The following FLT3LG variants were observed in gnomAD, a reference collection of about 807,000 sequenced individuals.
FLT3LG encodes fms-related tyrosine kinase 3 ligand.
A neutral mutation model predicts 30.9 loss-of-function variants in FLT3LG; 8 were observed. That is an observed-to-expected ratio of 0.26 (90% CI 0.15 to 0.47). The LOEUF (loss-of-function observed/expected upper bound fraction) is 0.47, where lower values mean the gene tolerates loss of function less well. Among genes scored for constraint, FLT3LG ranks in the 20% least tolerant of loss-of-function variants. The pLI, the probability that FLT3LG is intolerant of heterozygous loss-of-function variation, is 0.99. For missense variants in FLT3LG, 278 were observed against 306.2 expected, an observed-to-expected ratio of 0.91 and a Z score of 0.69; for synonymous variants, 123 against 135.9, an observed-to-expected ratio of 0.91 and a Z score of 0.66.
At position 49,484,202 on chromosome 19, in the gene FLT3LG, A is replaced by T. The variant is rs559690723; in HGVS notation, c.*22-1813A>T. On this transcript the variant is annotated intron_variant, in intron 8 of 8. Coordinates refer to ENST00000597551, the MANE Select transcript of FLT3LG (RefSeq NM_001459.4). ...CCAGCCTATCTTTTTTTTTTTTTTT[A>T]AGAAAAGGTAATACATTGAGCAGTT... Among the ~76,000 whole-genome samples, 662 of 149,384 alleles carry T rather than the reference A, an allele frequency of 4.4e-3. 2 individuals are homozygous for T. The highest frequency in any genetic ancestry group is 0.016 in the African/African-American group (638 of 40,714).
intron 6 of FLT3LG, 49 bp downstream of exon 6, chr19:49,479,096 C>A: frequency 6.4e-7 from 1 of 1,556,350 alleles, no homozygotes; most frequent in Non-Finnish European, 8.7e-7. Context: ...TCCTCACGGC[C>A]GCTCCTCCTC....
Position 49,476,699 on chromosome 19 carries a change from C to A in FLT3LG, c.342+133C>A. 1 of 1,135,044 alleles carries A rather than the reference C, an allele frequency of 8.8e-7. No individual in the cohort carries two copies. The highest frequency in any genetic ancestry group is 1.3e-6 in the Non-Finnish European group (1 of 790,626). 70.3% of individuals were successfully genotyped at this position (1,135,044 alleles called of 1,614,324 possible). ...CGAAGGTAGAGCGAGAAGCGCCACC[C>A]TGCAGAGCCCTGTTCCTACAGAACA... On this transcript the variant is annotated intron_variant, in intron 5 of 8. Transcript: ENST00000597551. The surrounding 1 kb of genome is among the most constrained non-coding windows in gnomAD (Gnocchi z 5.3).
chr19:49,485,739 A>G (rs1386621090), intron 8 of FLT3LG, among the ~76,000 whole-genome samples: 1 of 151,966 alleles, frequency 6.6e-6, no homozygotes, highest in South Asian at 2.1e-4. Flanking sequence ...GCTGGTCTCA[A>G]ACTCCCAACC....
chr19:49,476,339 GAGCCCCGGCCC>G lies in FLT3LG; in HGVS notation c.199-77_199-67del. On this transcript the variant is annotated intron_variant, in intron 4 of 8. Coordinates refer to ENST00000597551, the MANE Select transcript of FLT3LG (RefSeq NM_001459.4). This position sits in a 1 kb window ranked among gnomAD's most constrained non-coding sequence, Gnocchi z 5.3. ...TCAGCCCCTCCTCCCTCAGACCCAGGAGCCCCGGCCCAGCCCCTCCTCCCTCAGACCCAGCA... is the reference window on the plus strand; with the variant it reads ...TCAGCCCCTCCTCCCTCAGACCCAGGAGCCCCTCCTCCCTCAGACCCAGCA... 1 of 1,511,308 alleles carries G rather than the reference GAGCCCCGGCCC, an allele frequency of 6.6e-7. No homozygotes were observed. The highest frequency in any genetic ancestry group is 9.1e-7 in the Non-Finnish European group (1 of 1,099,486). 93.6% of individuals were successfully genotyped at this position (1,511,308 alleles called of 1,614,324 possible). A position where few individuals can be genotyped will look rare whatever the true frequency, so the allele number is the denominator to read the frequency against.
rs2079568382 is a variant in FLT3LG, at chr19:49,480,545, C to T, written c.661-7C>T. On this transcript the variant is annotated splice_polypyrimidine_tract_variant and splice_region_variant and intron_variant, in intron 7 of 8. Transcript: ENST00000597551. ...CCCACTTGTGGCTGACACTTTGGGG[C>T]CCACAGGTGCCCCCCGTCCCCAGTC... 1 of 1,612,448 alleles carries T rather than the reference C, an allele frequency of 6.2e-7. No individual in the cohort carries two copies. The highest frequency in any genetic ancestry group is 8.5e-7 in the Non-Finnish European group (1 of 1,179,460).
At position 49,474,607 on chromosome 19, in the gene FLT3LG, G is replaced by C; in HGVS notation, c.-33G>C. ...TGTTCTTCTGTCCCTTCCAAGACCC[G>C]GCGACAGGAGGCATGAGGGGCCCCC... On this transcript the variant is annotated 5_prime_UTR_variant, in exon 2 of 9. Transcript: ENST00000597551. The C allele has an allele frequency of 6.2e-7, 1 of 1,611,422 alleles. No individual in the cohort carries two copies. Among genetic ancestry groups the C allele is most frequent in the Non-Finnish European group, 8.5e-7 (1 of 1,179,074 alleles).
intron 7 of FLT3LG, 37 bp downstream of exon 7, chr19:49,480,513 A>G (rs745307242): frequency 2.1e-5 from 33 of 1,607,310 alleles, no homozygotes; most frequent in Non-Finnish European, 2.5e-5. Context: ...GGGGGCCGAG[A>G]GGGTGGCCCA....
At chr19:49,475,615 G>A in intron 2 of FLT3LG, 76 bp from the exon 3 acceptor site, 1 of 1,541,606 alleles carries the variant, frequency 6.5e-7, no homozygotes. Flanking sequence ...AGACAGAACA[G>A]TACAGGTGGG....
chr19:49,476,448 G>T lies in FLT3LG; in HGVS notation c.224G>T (p.Arg75Leu). Residue 75 changes from arginine (R) to leucine (L), a missense_variant, in exon 5 of 9, where the codon CGG becomes CTG. Transcript: ENST00000597551. The surrounding 1 kb of genome is among the most constrained non-coding windows in gnomAD (Gnocchi z 5.3). ...GAGGAGCTCTGCGGGGGCCTCTGGC[G>T]GCTGGTCCTGGCACAGCGCTGGATG... ...QDEELCGGLW[R>L]LVLAQRWMER... is the part of the protein sequence containing the mutation. The T allele has an allele frequency of 4.3e-6, 7 of 1,613,768 alleles. No homozygotes were observed. The highest frequency in any genetic ancestry group is 5.1e-6 in the Non-Finnish European group (6 of 1,179,898).
At chr19:49,474,378 G>T (rs1338844367) in intron 1 of FLT3LG, 97 bp downstream of exon 1, 3 of 578,156 alleles carry the variant, frequency 5.2e-6, no homozygotes, top group East Asian at 5.8e-5. Context: ...CTGGGTTCCC[G>T]GGTCCCTAAC....
At chr19:49,479,194 A>ATT (rs5828400) in intron 6 of FLT3LG, 147 bp downstream of exon 6, 43,027 of 467,984 alleles carry the variant, frequency 0.092, 2,976 homozygotes, top group African/African-American at 0.33. Flanking sequence ...CAGTTTACCA[A>ATT]TTTTTTTTTT....
In FLT3LG at chr19:49,478,085, C is replaced by T. The variant is rs535024576; in HGVS notation, c.343-824C>T. Among the ~76,000 whole-genome samples the T allele has an allele frequency of 1.6e-4, 24 of 151,334 alleles. No homozygotes were observed. The South Asian group carries it at 3.8e-3, about 24-fold the overall frequency. On this transcript the variant is annotated intron_variant, in intron 5 of 8. Coordinates refer to ENST00000597551, the MANE Select transcript of FLT3LG (RefSeq NM_001459.4). ...ATAAAGTAACTTTGGGAGGCCGAGG[C>T]GGGCGAGTCACCTGAGGTCAGGAGT...
At chr19:49,480,091 A>G (rs1405717662) in intron 6 of FLT3LG, among the ~76,000 whole-genome samples, 1 of 152,216 alleles carries the variant, frequency 6.6e-6, no homozygotes, top group Non-Finnish European at 1.5e-5. Flanking sequence ...GGCGTGAGCC[A>G]CCGCGCTCAG....
chr19:49,484,890 G>A lies in FLT3LG; in HGVS notation c.*22-1125G>A, dbSNP rs888696181. On this transcript the variant is annotated intron_variant, in intron 8 of 8. Coordinates refer to ENST00000597551, the MANE Select transcript of FLT3LG (RefSeq NM_001459.4). Reference sequence around the variant, plus strand: ...GCTTGAGCCTAAGAGTTCAAGACCAGCTTGGGCAACATGGTGAAACCCCGT... The same window carrying A: ...GCTTGAGCCTAAGAGTTCAAGACCAACTTGGGCAACATGGTGAAACCCCGT... Among the ~76,000 whole-genome samples the A allele has an allele frequency of 2.6e-5, 4 of 152,048 alleles. No individual in the cohort carries two copies. In the East Asian group the frequency reaches 7.7e-4, roughly 29 times the overall value.
At chr19:49,479,668 AT>A (rs200699056) in intron 6 of FLT3LG, 3,877 of 189,444 alleles carry the variant, frequency 0.02, no homozygotes, top group South Asian at 0.057. Flanking sequence ...CACGCGGCTA[AT>A]TTTTTTTTTT....
chr19:49,479,073 C>G (rs1292622045), intron 6 of FLT3LG, 26 bp downstream of exon 6: 5 of 1,591,234 alleles, frequency 3.1e-6, no homozygotes, highest in Non-Finnish European at 4.3e-6. Context: ...CACCCCCACT[C>G]CTTCCCCTCC....
intron 6 of FLT3LG, among the ~76,000 whole-genome samples, chr19:49,479,417 G>C (rs971940901): frequency 2.6e-4 from 39 of 150,786 alleles, no homozygotes; most frequent in African/African-American, 9.3e-4. Context: ...GGATGGTCTC[G>C]ATCTCCTGAC....
At chr19:49,477,708 C>T (rs1310469516) in intron 5 of FLT3LG, among the ~76,000 whole-genome samples, 1 of 151,982 alleles carries the variant, frequency 6.6e-6, no homozygotes, top group Non-Finnish European at 1.5e-5. Flanking sequence ...CACCACTGCC[C>T]TCCAGCCTGG....
chr19:49,477,751 A>G (rs930114460), intron 5 of FLT3LG, among the ~76,000 whole-genome samples: 5 of 151,778 alleles, frequency 3.3e-5, no homozygotes, highest in African/African-American at 1.2e-4. Flanking sequence ...CCAAAAAAAT[A>G]AAAATAAAAT....
Sources: gnomAD v4.1 joint callset for allele counts (sites outside exome capture counted in the v4.1 genomes callset) on GRCh38, gnomAD v4.1.1 for gene constraint, Gnocchi (gnomAD v3.1) non-coding constraint, MANE v1.5 for transcripts, NCBI Gene and HGNC (gene_info 2026-07-23, HGNC 2026-07-21) for gene names.